Variants in CDH22 observed in about 807,000 individuals in gnomAD.
CDH22 encodes cadherin 22, also known as cadherin-22.
In CDH22, 30 loss-of-function variants were observed where a neutral mutation model predicts 58.4. The ratio of observed to expected loss-of-function variants is 0.51; its 90% CI spans 0.38 to 0.70. CDH22 has a LOEUF of 0.70. Among genes scored for constraint, CDH22 ranks in the 30% least tolerant of loss-of-function variants. The pLI, the probability that CDH22 is intolerant of heterozygous loss-of-function variation, is 0.00. For missense variants in CDH22, 1,014 were observed against 1,233.9 expected, an observed-to-expected ratio of 0.82 and a Z score of 2.67; for synonymous variants, 513 against 558.2, an observed-to-expected ratio of 0.92 and a Z score of 1.14.
At chr20:46,286,548 G>A (rs1348272237) in intron 1 of CDH22, among the ~76,000 whole-genome samples, 1 of 152,222 alleles carries the variant, frequency 6.6e-6, no homozygotes, top group East Asian at 1.9e-4. Context: ...CCGCTGTGCT[G>A]TGACATGCCT....
chr20:46,292,216 C>T (rs979269106), intron 1 of CDH22, among the ~76,000 whole-genome samples: 1 of 152,214 alleles, frequency 6.6e-6, no homozygotes, highest in African/African-American at 2.4e-5. Context: ...CTCCCTCCCC[C>T]AGGGTGAGTG....
At chr20:46,265,381 T>C (rs1187836927) in intron 1 of CDH22, among the ~76,000 whole-genome samples, 1 of 152,182 alleles carries the variant, frequency 6.6e-6, no homozygotes, top group African/African-American at 2.4e-5. Flanking sequence ...TAATGAAAGC[T>C]GCACAAATCA....
chr20:46,213,988 G>C (rs6074066), intron 5 of CDH22, among the ~76,000 whole-genome samples: 11 of 152,182 alleles, frequency 7.2e-5, no homozygotes, highest in South Asian at 4.1e-4. Context: ...GTGCTGATGA[G>C]GGTGTTGCGC....
chr20:46,228,987 C>T (rs1181092306), intron 3 of CDH22, among the ~76,000 whole-genome samples: 3 of 152,244 alleles, frequency 2.0e-5, no homozygotes, highest in African/African-American at 7.2e-5. Context: ...ATTTCCCTCT[C>T]CAGGTTCCCC....
intron 1 of CDH22, among the ~76,000 whole-genome samples, chr20:46,285,777 T>C (rs187019025): frequency 7.3e-4 from 111 of 152,280 alleles, no homozygotes; most frequent in South Asian, 2.7e-3. Context: ...CACATATACA[T>C]TGTGCTCCTG....
rs2086087182 is a variant in CDH22, at chr20:46,216,645, A to G, written c.838+181T>C. Among the ~76,000 whole-genome samples the G allele has an allele frequency of 1.3e-5, 2 of 151,974 alleles. No homozygotes were observed. Among genetic ancestry groups the G allele is most frequent in the South Asian group, 4.1e-4 (2 of 4,822 alleles). On this transcript the variant is annotated intron_variant, in intron 5 of 11. Coordinates refer to ENST00000537909, the MANE Select transcript of CDH22 (RefSeq NM_021248.3). This position sits in a 1 kb window ranked among gnomAD's most constrained non-coding sequence, Gnocchi z 5.3. ...CCTGGGGTCTTCCTTGGTAGGAAGC[A>G]TGGTTGGAGGGGGGCTGGGGGATAG...
chr20:46,291,075 G>A (rs1023289379), intron 1 of CDH22, among the ~76,000 whole-genome samples: 15 of 152,124 alleles, frequency 9.9e-5, no homozygotes, highest in Non-Finnish European at 1.3e-4. Context: ...TCAGGAGTTC[G>A]AGACCAGCCT....
At chr20:46,233,000 C>T (rs2086229883) in intron 3 of CDH22, among the ~76,000 whole-genome samples, 1 of 152,102 alleles carries the variant, frequency 6.6e-6, no homozygotes. Context: ...GTCAGAGGGA[C>T]AGAAGTTCGT....
At chr20:46,285,149 G>A (rs762271720) in intron 1 of CDH22, among the ~76,000 whole-genome samples, 3 of 152,204 alleles carry the variant, frequency 2.0e-5, no homozygotes, top group Non-Finnish European at 2.9e-5. Flanking sequence ...TGCATGTGCC[G>A]TGACCATCCG....
chr20:46,265,959 C>A (rs2086457603), intron 1 of CDH22, among the ~76,000 whole-genome samples: 1 of 151,992 alleles, frequency 6.6e-6, no homozygotes, highest in African/African-American at 2.4e-5. Flanking sequence ...CACACACACA[C>A]ACACACACAC....
chr20:46,292,232 T>G (rs2086607078), intron 1 of CDH22, among the ~76,000 whole-genome samples: 3 of 152,146 alleles, frequency 2.0e-5, no homozygotes, highest in African/African-American at 7.2e-5. Context: ...GAGTGTTGAG[T>G]GCCAACGATA....
intron 10 of CDH22, among the ~76,000 whole-genome samples, chr20:46,178,713 C>A (rs1289302969): frequency 5.3e-5 from 8 of 150,118 alleles, no homozygotes; most frequent in African/African-American, 2.0e-4. Flanking sequence ...GTTTGTTGGG[C>A]CCTGACAAGT....
At chr20:46,182,431 A>G (rs1051085914) in intron 10 of CDH22, among the ~76,000 whole-genome samples, 33 of 152,248 alleles carry the variant, frequency 2.2e-4, no homozygotes, top group Non-Finnish European at 4.1e-4. Context: ...ACAGAGAAGT[A>G]GGCAGATTTG....
chr20:46,188,979 T>G (rs1317343234), intron 8 of CDH22, among the ~76,000 whole-genome samples: 1 of 140,504 alleles, frequency 7.1e-6, no homozygotes, highest in Non-Finnish European at 1.7e-5. Flanking sequence ...TCCCCAAGAG[T>G]TTCACGGGGA....
chr20:46,268,075 T>C (rs1257468940), intron 1 of CDH22, among the ~76,000 whole-genome samples: 1 of 152,228 alleles, frequency 6.6e-6, no homozygotes, highest in Admixed American at 6.5e-5. Context: ...TGGGTTTCTG[T>C]CCCCTCACCC....
In CDH22 at chr20:46,251,391, T is replaced by C; in HGVS notation, c.-97A>G. 7.6e-7 allele frequency: 1 copy of C among 1,314,384 alleles called. No homozygotes were observed. The highest frequency in any genetic ancestry group is 9.8e-7 in the Non-Finnish European group (1 of 1,023,264). 81.4% of individuals were successfully genotyped at this position (1,314,384 alleles called of 1,614,324 possible). On this transcript the variant is annotated 5_prime_UTR_variant, in exon 2 of 12. Transcript: ENST00000537909. The surrounding 1 kb of genome is among the most constrained non-coding windows in gnomAD (Gnocchi z 6.7). ...AACGATGCGGCGCCGTGTCACATGG[T>C]GGCCTCAGCGCGGCCGCCGGGATGT...
chr20:46,188,156 A>C (rs996663329), intron 8 of CDH22, among the ~76,000 whole-genome samples: 1 of 152,146 alleles, frequency 6.6e-6, no homozygotes. Context: ...AAAAATTGAG[A>C]CTGCAGGAGG....
intron 1 of CDH22, among the ~76,000 whole-genome samples, chr20:46,280,914 G>C (rs2086548153): frequency 6.6e-6 from 1 of 152,182 alleles, no homozygotes; most frequent in Non-Finnish European, 1.5e-5. Context: ...TGCTGTGTGA[G>C]CCACAGTGTC....
chr20:46,219,087 T>C (rs907641312), intron 4 of CDH22, among the ~76,000 whole-genome samples: 1 of 152,154 alleles, frequency 6.6e-6, no homozygotes, highest in Non-Finnish European at 1.5e-5. Context: ...GTGTGTGTAT[T>C]TCTGTGTGTA....
Sources: allele counts gnomAD v4.1 joint callset (sites outside exome capture counted in the v4.1 genomes callset), GRCh38; gene constraint gnomAD v4.1.1; non-coding constraint Gnocchi (gnomAD v3.1); transcripts MANE v1.5; gene names NCBI Gene and HGNC (gene_info 2026-07-23, HGNC 2026-07-21).